ESRRG: variants seen among roughly 807,000 people sequenced by gnomAD.
The protein encoded by ESRRG is estrogen related receptor gamma.
Under a neutral mutation model 44.0 loss-of-function variants are expected in ESRRG, and 13 were observed. The observed-to-expected ratio is 0.30, with a 90% confidence interval of 0.19 to 0.47. The LOEUF is 0.47. Among genes scored for constraint, ESRRG ranks in the 20% least tolerant of loss-of-function variants. The probability of loss-of-function intolerance (pLI) is 1.00; values close to 1 mark genes in which losing one functional copy is unlikely to be tolerated. For synonymous variants in ESRRG, 215 were observed against 214.6 expected (o/e 1.00, Z -0.02); for missense variants, 395 against 580.6 (o/e 0.68, Z 3.29).
intron 2 of ESRRG, among the ~76,000 whole-genome samples, chr1:216,815,275 C>T (rs1033157020): frequency 2.0e-5 from 3 of 152,140 alleles, no homozygotes; most frequent in East Asian, 1.9e-4. Context: ...AAAAGGATTA[C>T]CTTGTACAAT....
At chr1:216,632,712 T>C (rs1278263167) in intron 3 of ESRRG, among the ~76,000 whole-genome samples, 1 of 152,110 alleles carries the variant, frequency 6.6e-6, no homozygotes, top group Non-Finnish European at 1.5e-5. Flanking sequence ...GAAGAGTTTT[T>C]AGGTTTTTTT....
intron 1 of ESRRG, among the ~76,000 whole-genome samples, chr1:216,678,795 CCT>C (rs1447239739): frequency 6.6e-6 from 1 of 152,048 alleles, no homozygotes; most frequent in Non-Finnish European, 1.5e-5. Flanking sequence ...TATGGGAATC[CCT>C]CTGGGTAATG....
In ESRRG at chr1:216,507,049, G is replaced by A; in HGVS notation, c.1267C>T (p.Leu423Phe). 1.9e-6 allele frequency: 3 copies of A among 1,614,150 alleles called. No homozygotes were observed. Among genetic ancestry groups the A allele is most frequent in the Non-Finnish European group, 2.5e-6 (3 of 1,180,018 alleles). The change falls in exon 7 of 7, where the codon CTC (leucine) becomes TTC (phenylalanine). Residue 423 changes from leucine (L) to phenylalanine (F), a missense_variant. By Grantham distance (22) the Leu-to-Phe change is conservative. Transcript: ENST00000408911. ...RAGKMLMTLP[L>F]LRQTSTKAVQ... ...GCCTTGGTAGAGGTCTGCCTCAGGA[G>A]TGGCAGTGTCATCAGCATCTTGCCA...
chr1:217,041,204 G>A (rs2083799538), intron 1 of ESRRG, among the ~76,000 whole-genome samples: 1 of 151,926 alleles, frequency 6.6e-6, no homozygotes, highest in Non-Finnish European at 1.5e-5. Context: ...TAGCTAAGAG[G>A]CCCCATAGTC....
intron 5 of ESRRG, among the ~76,000 whole-genome samples, chr1:216,523,465 G>A (rs2148984118): frequency 6.6e-6 from 1 of 151,004 alleles, no homozygotes; most frequent in East Asian, 2.0e-4. Context: ...GTTGACAGTG[G>A]TGCCATGGGC....
At chr1:217,009,792 GC>G (rs2078282193) in intron 1 of ESRRG, among the ~76,000 whole-genome samples, 1 of 141,982 alleles carries the variant, frequency 7.0e-6, no homozygotes, top group African/African-American at 2.6e-5. Context: ...TGCAACCTCT[GC>G]CTCCTGGGTT....
intron 1 of ESRRG, among the ~76,000 whole-genome samples, chr1:217,064,981 G>A (rs1434572495): frequency 6.6e-6 from 1 of 152,122 alleles, no homozygotes; most frequent in Admixed American, 6.6e-5. Context: ...CTCCTATAAT[G>A]CCCCAAAACA....
chr1:216,946,698 C>T (rs2066110355), intron 1 of ESRRG, among the ~76,000 whole-genome samples: 1 of 151,874 alleles, frequency 6.6e-6, no homozygotes, highest in African/African-American at 2.4e-5. Context: ...CCCCCCATAT[C>T]TTTCCTTTCT....
intron 5 of ESRRG, among the ~76,000 whole-genome samples, chr1:216,534,780 C>A (rs923694148): frequency 6.6e-6 from 1 of 152,112 alleles, no homozygotes; most frequent in East Asian, 1.9e-4. Context: ...GGGTACACTC[C>A]AGGGAACATC....
intron 1 of ESRRG, among the ~76,000 whole-genome samples, chr1:216,988,208 C>T (rs2075165994): frequency 6.6e-6 from 1 of 152,118 alleles, no homozygotes; most frequent in Non-Finnish European, 1.5e-5. Flanking sequence ...TATTACTTTA[C>T]TTATTATCAT....
At chr1:217,040,524 C>T (rs2083660247) in intron 1 of ESRRG, among the ~76,000 whole-genome samples, 1 of 152,084 alleles carries the variant, frequency 6.6e-6, no homozygotes, top group Non-Finnish European at 1.5e-5. Context: ...TTTAGTTAAG[C>T]TTTTTCAGCA....
chr1:216,950,779 G>C (rs114023831), intron 1 of ESRRG, among the ~76,000 whole-genome samples: 1 of 152,116 alleles, frequency 6.6e-6, no homozygotes, highest in East Asian at 1.9e-4. Context: ...TCAGAAATTC[G>C]TATTCTTAGT....
intron 2 of ESRRG, among the ~76,000 whole-genome samples, chr1:216,906,341 C>G (rs548566015): frequency 6.6e-6 from 1 of 151,964 alleles, no homozygotes; most frequent in South Asian, 2.1e-4. Flanking sequence ...AGAATATGCT[C>G]CTGAAAAAAA....
chr1:216,848,040 T>C (rs536351312), intron 2 of ESRRG, among the ~76,000 whole-genome samples: 20 of 152,268 alleles, frequency 1.3e-4, no homozygotes, highest in Non-Finnish European at 2.1e-4. Flanking sequence ...GTCCTGTGCA[T>C]TGTAGGATGT....
rs76870877 is a variant in ESRRG at position 217,019,664 on chromosome 1, G to C, written c.-106+69843C>G. ...TACTTTATGTATTAGGAAACACTGA[G>C]CCTGTCATATTCGTTCTTTTCTTCC... On this transcript the variant is annotated intron_variant, in intron 1 of 7. Coordinates refer to the ESRRG transcript ENST00000359162. Among the ~76,000 whole-genome samples the C allele has an allele frequency of 1.3e-3, 200 of 152,292 alleles. 3 individuals carry two copies. The East Asian group carries it at 0.034, about 26-fold the overall frequency.
chr1:216,763,948 A>G (rs866073508), intron 2 of ESRRG, among the ~76,000 whole-genome samples: 1 of 152,184 alleles, frequency 6.6e-6, no homozygotes, highest in South Asian at 2.1e-4. Context: ...CTTGAAGAGA[A>G]GACTAATCTG....
chr1:216,533,009 A>G (rs1445986460), intron 5 of ESRRG, among the ~76,000 whole-genome samples: 5 of 152,140 alleles, frequency 3.3e-5, no homozygotes, highest in African/African-American at 7.2e-5. Context: ...ACAGCTTAGA[A>G]TAATTATAAT....
At chr1:216,961,226 C>T (rs2150176613) in intron 1 of ESRRG, among the ~76,000 whole-genome samples, 1 of 152,256 alleles carries the variant, frequency 6.6e-6, no homozygotes, top group East Asian at 1.9e-4. Flanking sequence ...TAAAGAAACC[C>T]TACCTTATAC....
In ESRRG at chr1:216,519,468, C is replaced by T. The variant is rs1472346639; in HGVS notation, c.863-47G>A. Reference sequence around the variant, plus strand: ...TCAAGTTACTTTAAAGCCATAATTTCATAATGCAACATTAGTTTCATATGG... The same window carrying T: ...TCAAGTTACTTTAAAGCCATAATTTTATAATGCAACATTAGTTTCATATGG... On this transcript the variant is annotated intron_variant, in intron 5 of 6. Coordinates refer to ENST00000408911, the MANE Select transcript of ESRRG (RefSeq NM_001438.4). 2.0e-6 allele frequency: 3 copies of T among 1,538,230 alleles called. No homozygotes were observed. The African/African-American group carries it at 4.2e-5, about 22-fold the overall frequency.
Sources: gnomAD v4.1 joint callset for allele counts (sites outside exome capture counted in the v4.1 genomes callset) on GRCh38, gnomAD v4.1.1 for gene constraint, MANE v1.5 for transcripts, NCBI Gene and HGNC (gene_info 2026-07-23, HGNC 2026-07-21) for gene names.